PARM1: variants seen among roughly 807,000 people sequenced by gnomAD.
PARM1 encodes the protein WSC4, cell wall integrity and stress response component 4 homolog.
A neutral mutation model predicts 24.6 loss-of-function variants in PARM1; 14 were observed. The ratio of observed to expected loss-of-function variants is 0.57; its 90% confidence interval spans 0.38 to 0.89. PARM1 has a LOEUF of 0.89. PARM1 is among the 40% of genes least tolerant of loss of function. The probability of loss-of-function intolerance (pLI) is 0.00; values close to 1 mark genes in which losing one functional copy is unlikely to be tolerated. For missense variants in PARM1, 362 were observed against 380.4 expected (o/e 0.95, Z 0.40); for synonymous variants, 179 against 156.6 (o/e 1.14, Z -1.07).
At chr4:74,933,666 A>G (rs1421092824) in intron 1 of PARM1, among the ~76,000 whole-genome samples, 7 of 152,190 alleles carry the variant, frequency 4.6e-5, no homozygotes, top group Admixed American at 3.3e-4. Context: ...GGCAACACGG[A>G]CTGCGCCTCA....
At chr4:74,970,656 T>C (rs1348488514) in intron 1 of PARM1, among the ~76,000 whole-genome samples, 1 of 152,214 alleles carries the variant, frequency 6.6e-6, no homozygotes, top group Admixed American at 6.5e-5. Context: ...ACCGAGCATG[T>C]TTCAAATCCA....
intron 1 of PARM1, among the ~76,000 whole-genome samples, chr4:75,006,973 C>T (rs1578048042): frequency 6.6e-6 from 1 of 152,250 alleles, no homozygotes; most frequent in South Asian, 2.1e-4. Flanking sequence ...GCGATCTACC[C>T]ATCTGACAAA....
At chr4:75,010,540 A>C (rs972098680) in intron 1 of PARM1, among the ~76,000 whole-genome samples, 4 of 152,242 alleles carry the variant, frequency 2.6e-5, no homozygotes, top group Non-Finnish European at 4.4e-5. Context: ...AAAATTAAAA[A>C]AAATTTTTTT....
chr4:74,962,322 G>T (rs966363074), intron 1 of PARM1, among the ~76,000 whole-genome samples: 3 of 151,704 alleles, frequency 2.0e-5, no homozygotes, highest in Non-Finnish European at 4.4e-5. Flanking sequence ...AGAAAAAGGA[G>T]AAAATAATTA....
At chr4:75,024,384 A>T (rs1723144526) in intron 2 of PARM1, among the ~76,000 whole-genome samples, 1 of 152,134 alleles carries the variant, frequency 6.6e-6, no homozygotes. Context: ...TATTGATGTC[A>T]CTGCCCTTGG....
chr4:75,050,041 T>C lies in PARM1; in HGVS notation c.*3794T>C, dbSNP rs1367256334. ...GAAAATTCTTTGATATTTGATGTCA[T>C]TGTATCCACATTTGTTGTAAGACAT... On this transcript the variant is annotated 3_prime_UTR_variant, in exon 4 of 4. Transcript: ENST00000307428. 6.6e-6 allele frequency: 1 copy of C among 152,596 alleles called. No homozygotes were observed. The highest frequency in any genetic ancestry group is 2.4e-5 in the African/African-American group (1 of 41,430). 9.5% of individuals were successfully genotyped at this position (152,596 alleles called of 1,614,324 possible).
intron 1 of PARM1, among the ~76,000 whole-genome samples, chr4:74,937,697 G>A (rs770069555): frequency 9.9e-5 from 15 of 152,178 alleles, no homozygotes; most frequent in Non-Finnish European, 1.3e-4. Flanking sequence ...TTAATGAAGT[G>A]TACTATATGC....
At chr4:75,023,775 C>T (rs964543180) in intron 2 of PARM1, among the ~76,000 whole-genome samples, 3 of 152,006 alleles carry the variant, frequency 2.0e-5, no homozygotes, top group South Asian at 4.2e-4. Context: ...AATCTTGGGG[C>T]GTTGGGGGAA....
chr4:74,976,728 G>A (rs1722143221), intron 1 of PARM1, among the ~76,000 whole-genome samples: 1 of 152,208 alleles, frequency 6.6e-6, no homozygotes, highest in African/African-American at 2.4e-5. Context: ...TTCTGTGACA[G>A]GGTTCCAAGA....
intron 3 of PARM1, among the ~76,000 whole-genome samples, chr4:75,040,530 G>A (rs906072468): frequency 2.0e-5 from 3 of 152,308 alleles, no homozygotes; most frequent in South Asian, 4.1e-4. Context: ...GGATTCCTTA[G>A]TTGTGATACT....
At chr4:74,997,296 A>G (rs2278149) in intron 1 of PARM1, among the ~76,000 whole-genome samples, 22,057 of 152,212 alleles carry the variant, frequency 0.14, 1,799 homozygotes, top group East Asian at 0.35. Context: ...GAGTAGCTAT[A>G]TGAAGAATGT....
chr4:74,963,907 T>C, intron 1 of PARM1, among the ~76,000 whole-genome samples: 1 of 152,232 alleles, frequency 6.6e-6, no homozygotes, highest in East Asian at 1.9e-4. Flanking sequence ...ACAAGATCTT[T>C]GCAGCAATCA....
At chr4:74,964,754 A>G (rs1165075205) in intron 1 of PARM1, among the ~76,000 whole-genome samples, 2 of 152,208 alleles carry the variant, frequency 1.3e-5, no homozygotes, top group African/African-American at 4.8e-5. Flanking sequence ...AGCTTAGTAA[A>G]TATCTGTTGA....
chr4:75,033,808 T>A (rs1362649385), intron 2 of PARM1, 75 bp from the exon 3 acceptor site: 1 of 1,177,974 alleles, frequency 8.5e-7, no homozygotes, highest in Non-Finnish European at 1.2e-6. Context: ...AGAAGGTGGA[T>A]ACTACGCACG....
chr4:74,938,459 A>C (rs1721237581), intron 1 of PARM1, among the ~76,000 whole-genome samples: 1 of 152,184 alleles, frequency 6.6e-6, no homozygotes, highest in Admixed American at 6.5e-5. Flanking sequence ...TAAGATATCA[A>C]ATGAAGCAGT....
intron 1 of PARM1, among the ~76,000 whole-genome samples, chr4:75,001,492 GA>G (rs1250348937): frequency 6.6e-6 from 1 of 152,208 alleles, no homozygotes; most frequent in East Asian, 1.9e-4. Context: ...GAGAGGACAT[GA>G]GGGGGTGTTC....
chr4:74,989,185 C>A lies in PARM1; in HGVS notation c.44-23240C>A, dbSNP rs555728701. 9.2e-5 allele frequency among the ~76,000 whole-genome samples: 14 copies of A among 152,262 alleles called. No individual in the cohort carries two copies. In the South Asian group the frequency reaches 2.9e-3, roughly 32 times the overall value. Reference sequence around the variant, plus strand: ...GATACCAGCTGGGTCTCCTCTAATTCAATTTAATTCTTATACTATCTACCT... The same window carrying A: ...GATACCAGCTGGGTCTCCTCTAATTAAATTTAATTCTTATACTATCTACCT... On this transcript the variant is annotated intron_variant, in intron 1 of 3. Transcript: ENST00000307428.
Position 75,048,002 on chromosome 4 carries a change from A to G in PARM1, c.*1755A>G, listed in dbSNP as rs981688846. 12 of 152,282 alleles carry G rather than the reference A, an allele frequency of 7.9e-5. No homozygotes were observed. Among genetic ancestry groups the G allele is most frequent in the Admixed American group, 6.5e-4 (10 of 15,296 alleles). 9.4% of individuals were successfully genotyped at this position (152,282 alleles called of 1,614,324 possible). A position where few individuals can be genotyped will look rare whatever the true frequency, so the allele number is the denominator to read the frequency against. On this transcript the variant is annotated 3_prime_UTR_variant, in exon 4 of 4. Coordinates refer to ENST00000307428, the MANE Select transcript of PARM1 (RefSeq NM_015393.4). ...TGGGTCCGACTTCAAAATGTGTTGTATTGTCCTACAGTGTCATAAAGAACC... is the reference window on the plus strand; with the variant it reads ...TGGGTCCGACTTCAAAATGTGTTGTGTTGTCCTACAGTGTCATAAAGAACC...
At chr4:75,033,375 G>T (rs1289215903) in intron 2 of PARM1, among the ~76,000 whole-genome samples, 5 of 152,010 alleles carry the variant, frequency 3.3e-5, no homozygotes, top group Non-Finnish European at 7.4e-5. Context: ...CTTTTGAAGT[G>T]GATACTGCCA....
Sources: allele counts gnomAD v4.1 joint callset (sites outside exome capture counted in the v4.1 genomes callset), GRCh38; gene constraint gnomAD v4.1.1; transcripts MANE v1.5; gene names NCBI Gene and HGNC (gene_info 2026-07-23, HGNC 2026-07-21).